Variants in PDE1A observed in about 807,000 individuals in gnomAD.
PDE1A encodes phosphodiesterase 1A.
Under a neutral mutation model 61.7 loss-of-function variants are expected in PDE1A, and 35 were observed. The observed-to-expected ratio is 0.57, with a 90% CI of 0.43 to 0.75. The LOEUF (loss-of-function observed/expected upper bound fraction) is 0.75. PDE1A is among the 30% of genes least tolerant of loss of function. The probability of loss-of-function intolerance (pLI) is 0.00; values close to 1 mark genes in which losing one functional copy is unlikely to be tolerated. For missense variants in PDE1A, 597 were observed against 630.6 expected, an observed-to-expected ratio of 0.95 and a Z score of 0.57; for synonymous variants, 232 against 213.2, an observed-to-expected ratio of 1.09 and a Z score of -0.77.
the PDE1A span, among the ~76,000 whole-genome samples, chr2:182,684,752 T>C: frequency 6.6e-6 from 1 of 152,288 alleles, no homozygotes; most frequent in South Asian, 2.1e-4. Flanking sequence ...GATTTTGCCA[T>C]GTTGGCCAGG....
At chr2:182,270,209 A>C (rs1051193599) in intron 1 of PDE1A, among the ~76,000 whole-genome samples, 1 of 152,182 alleles carries the variant, frequency 6.6e-6, no homozygotes, top group East Asian at 1.9e-4. Flanking sequence ...TTTGAAAGCA[A>C]TTGATTGGCT....
At chr2:182,403,616 A>G (rs918480636) in intron 1 of PDE1A, among the ~76,000 whole-genome samples, 6 of 148,418 alleles carry the variant, frequency 4.0e-5, no homozygotes, top group African/African-American at 9.8e-5. Flanking sequence ...AAAAAAAAAG[A>G]AAATGTGGCA....
At chr2:182,679,445 C>T in the PDE1A span, among the ~76,000 whole-genome samples, 12 of 149,660 alleles carry the variant, frequency 8.0e-5, no homozygotes, top group Non-Finnish European at 5.9e-5. Context: ...AGGTGATCCA[C>T]GCGCCTCAGC....
At chr2:182,548,116 G>A in the PDE1A span, among the ~76,000 whole-genome samples, 34 of 152,210 alleles carry the variant, frequency 2.2e-4, no homozygotes, top group East Asian at 6.6e-3. Flanking sequence ...ACTGGAAGAT[G>A]GAAAAAGATT....
chr2:182,671,338 ATTTTT>A, the PDE1A span, among the ~76,000 whole-genome samples: 17 of 75,230 alleles, frequency 2.3e-4, no homozygotes, highest in East Asian at 7.2e-3. Flanking sequence ...CGACTGGCTA[ATTTTT>A]TTTTTTTTTT....
intron 1 of PDE1A, among the ~76,000 whole-genome samples, chr2:182,374,510 C>T (rs1217985635): frequency 2.0e-5 from 3 of 151,970 alleles, no homozygotes; most frequent in Admixed American, 2.0e-4. Context: ...TTAAAAGAGA[C>T]AGTTTTAAAA....
chr2:182,210,500 G>T (rs559277758), intron 7 of PDE1A, among the ~76,000 whole-genome samples: 118 of 152,228 alleles, frequency 7.8e-4, no homozygotes, highest in Non-Finnish European at 1.4e-3. Context: ...AAATTAGGTT[G>T]TTAGTTTTCT....
At chr2:182,394,869 A>G (rs1434617912) in intron 1 of PDE1A, among the ~76,000 whole-genome samples, 1 of 152,202 alleles carries the variant, frequency 6.6e-6, no homozygotes, top group Non-Finnish European at 1.5e-5. Flanking sequence ...GAAAAACAGT[A>G]AATCAAAAAC....
At chr2:182,663,363 C>A in the PDE1A span, among the ~76,000 whole-genome samples, 1 of 152,130 alleles carries the variant, frequency 6.6e-6, no homozygotes, top group Admixed American at 6.5e-5. Context: ...ATCATAAAGA[C>A]ACATTCATGC....
At position 182,239,764 on chromosome 2, in the gene PDE1A, ATGT is replaced by A. The variant is rs1325230354; in HGVS notation, c.350+343_350+345del. ...CCCAGTGTAGAATGTATTTCATGAA[ATGT>A]TACATTTTATTCAGGTAAAATTAGT... On this transcript the variant is annotated intron_variant, in intron 3 of 13. Transcript: ENST00000351439. Among the ~76,000 whole-genome samples, 3 of 152,226 alleles carry A rather than the reference ATGT, an allele frequency of 2.0e-5. No individual in the cohort carries two copies. In the East Asian group the frequency reaches 5.8e-4, roughly 29 times the overall value.
the PDE1A span, among the ~76,000 whole-genome samples, chr2:182,577,716 G>A: frequency 0.82 from 124,775 of 152,084 alleles, 51,453 homozygotes; most frequent in East Asian, 0.99. Flanking sequence ...TTCTCAATAG[G>A]TAAGAGCAGC....
intron 10 of PDE1A, among the ~76,000 whole-genome samples, chr2:182,197,755 A>G (rs1021326720): frequency 1.3e-5 from 2 of 151,822 alleles, no homozygotes; most frequent in African/African-American, 4.8e-5. Context: ...TTAATGATCT[A>G]TTTGCCTAGC....
At chr2:182,502,956 C>T (rs540831281) in intron 2 of PDE1A, among the ~76,000 whole-genome samples, 2 of 152,002 alleles carry the variant, frequency 1.3e-5, no homozygotes, top group South Asian at 4.2e-4. Flanking sequence ...CATCTGGGCC[C>T]AAAGGTTTCA....
At chr2:182,257,305 C>T (rs534313244) in intron 2 of PDE1A, among the ~76,000 whole-genome samples, 31 of 152,036 alleles carry the variant, frequency 2.0e-4, no homozygotes, top group Non-Finnish European at 3.4e-4. Context: ...GAATTCCAAG[C>T]GTTTTTTAAA....
chr2:182,461,253 C>T (rs1390625685), intron 2 of PDE1A, among the ~76,000 whole-genome samples: 3 of 152,042 alleles, frequency 2.0e-5, no homozygotes, highest in Admixed American at 6.6e-5. Flanking sequence ...CACTCTGGCA[C>T]ATATGACTTC....
the PDE1A span, among the ~76,000 whole-genome samples, chr2:182,646,014 C>T: frequency 6.6e-6 from 1 of 151,894 alleles, no homozygotes; most frequent in Non-Finnish European, 1.5e-5. Context: ...AAATAACTTC[C>T]AATAGGCTAC....
chr2:182,360,759 G>A (rs1699457693), intron 1 of PDE1A, among the ~76,000 whole-genome samples: 1 of 150,960 alleles, frequency 6.6e-6, no homozygotes, highest in South Asian at 2.1e-4. Flanking sequence ...GCCCATGAAG[G>A]CAAAAATGCC....
chr2:182,368,105 T>G (rs1699935899), intron 1 of PDE1A, among the ~76,000 whole-genome samples: 1 of 152,124 alleles, frequency 6.6e-6, no homozygotes, highest in Non-Finnish European at 1.5e-5. Flanking sequence ...CTACTTATAT[T>G]TGTAAGAGTA....
chr2:182,536,650 A>G, the PDE1A span, among the ~76,000 whole-genome samples: 1 of 152,324 alleles, frequency 6.6e-6, no homozygotes, highest in East Asian at 1.9e-4. Flanking sequence ...TGGATAATAT[A>G]TTTATATATA....
Sources: allele counts gnomAD v4.1 joint callset (sites outside exome capture counted in the v4.1 genomes callset), GRCh38; gene constraint gnomAD v4.1.1; transcripts MANE v1.5; gene names NCBI Gene and HGNC (gene_info 2026-07-23, HGNC 2026-07-21).